PDE6A: variants seen among roughly 807,000 people sequenced by gnomAD.
PDE6A encodes the protein rod cGMP-specific 3',5'-cyclic phosphodiesterase subunit alpha.
Under a neutral mutation model 106.3 loss-of-function variants are expected in PDE6A, and 84 were observed. That is an observed-to-expected ratio of 0.79 (90% CI 0.66 to 0.95). The LOEUF (loss-of-function observed/expected upper bound fraction) is 0.95, where lower values mean the gene tolerates loss of function less well. Ranked by LOEUF, PDE6A falls within the 40% of genes least tolerant of loss-of-function variation. The pLI, the probability that PDE6A is intolerant of heterozygous loss-of-function variation, is 0.00. For missense variants in PDE6A, 1,052 were observed against 1,084.9 expected, an observed-to-expected ratio of 0.97 and a Z score of 0.43; for synonymous variants, 394 against 386.6, an observed-to-expected ratio of 1.02 and a Z score of -0.23.
rs73269802 is a variant in PDE6A at position 149,939,711 on chromosome 5, C to T, written c.474+4489G>A. ...AGGAAATAAACCCAGTCAAGCTAAA[C>T]GATTTGCCAAGGCCACATTCTTTGA... On this transcript the variant is annotated intron_variant, in intron 1 of 21. Transcript: ENST00000255266. Among the ~76,000 whole-genome samples, 1,237 of 152,260 alleles carry T rather than the reference C, an allele frequency of 8.1e-3. 13 individuals are homozygous for T. Among genetic ancestry groups the T allele is most frequent in the African/African-American group, 0.028 (1,178 of 41,538 alleles).
At chr5:149,920,440 G>C (rs144733985) in intron 5 of PDE6A, among the ~76,000 whole-genome samples, 2,182 of 152,202 alleles carry the variant, frequency 0.014, 51 homozygotes, top group African/African-American at 0.049. Flanking sequence ...AATTAGCCAG[G>C]TATGGTGGCA....
chr5:149,905,188 CTG>C, intron 7 of PDE6A, among the ~76,000 whole-genome samples: 1 of 152,210 alleles, frequency 6.6e-6, no homozygotes, highest in Admixed American at 6.5e-5. Context: ...CCAAACACCT[CTG>C]AACCTTCCTT....
chr5:149,883,835 T>A (rs964698892), intron 16 of PDE6A, among the ~76,000 whole-genome samples: 3 of 152,150 alleles, frequency 2.0e-5, no homozygotes, highest in Non-Finnish European at 4.4e-5. Context: ...ATAACACACG[T>A]GTTGTGCCTG....
intron 13 of PDE6A, among the ~76,000 whole-genome samples, chr5:149,889,450 A>G (rs1184483819): frequency 6.6e-6 from 1 of 151,694 alleles, no homozygotes; most frequent in Non-Finnish European, 1.5e-5. Context: ...ATCTTATTTT[A>G]TTTTTGTTTT....
At chr5:149,904,092 C>T (rs982654573) in intron 7 of PDE6A, among the ~76,000 whole-genome samples, 15 of 152,162 alleles carry the variant, frequency 9.9e-5, no homozygotes, top group Admixed American at 9.8e-4. Flanking sequence ...ACTAAAAATA[C>T]AGAAGTTAAC....
intron 7 of PDE6A, among the ~76,000 whole-genome samples, chr5:149,906,781 T>A (rs1753208011): frequency 6.6e-6 from 1 of 151,040 alleles, no homozygotes; most frequent in Non-Finnish European, 1.5e-5. Flanking sequence ...TTTATTATTA[T>A]TTTTTTTTGA....
chr5:149,869,974 T>C (rs112140658), intron 17 of PDE6A, among the ~76,000 whole-genome samples: 15 of 152,324 alleles, frequency 9.8e-5, no homozygotes, highest in African/African-American at 3.6e-4. Context: ...ACTCATGGAA[T>C]ATTAACAAGT....
chr5:149,900,119 C>CGAGGCAGGCGGATCACTT (rs1333574753), intron 8 of PDE6A, among the ~76,000 whole-genome samples: 3 of 151,718 alleles, frequency 2.0e-5, no homozygotes, highest in Non-Finnish European at 4.4e-5. Context: ...TTTGGGAAGT[C>CGAGGCAGGCGGATCACTT]GAGGCAGGCG....
At chr5:149,895,893 A>C (rs1752730858) in intron 12 of PDE6A, among the ~76,000 whole-genome samples, 1 of 152,130 alleles carries the variant, frequency 6.6e-6, no homozygotes, top group Admixed American at 6.5e-5. Flanking sequence ...CACTGCTTTA[A>C]TCAAAATCAA....
rs530656795 is a variant in PDE6A at position 149,907,229 on chromosome 5, C to T, written c.1065+83G>A. 1,283 of 1,068,990 alleles carry T rather than the reference C, an allele frequency of 1.2e-3. 3 individuals are homozygous for T. Among genetic ancestry groups the T allele is most frequent in the Non-Finnish European group, 1.7e-3 (1,170 of 683,152 alleles). 66.2% of individuals were successfully genotyped at this position (1,068,990 alleles called of 1,614,324 possible). A position where few individuals can be genotyped will look rare whatever the true frequency, so the allele number is the denominator to read the frequency against. On this transcript the variant is annotated intron_variant, in intron 7 of 21. Coordinates refer to ENST00000255266, the MANE Select transcript of PDE6A (RefSeq NM_000440.3). ...AGATCCACACTTGCCATCATCTTTT[C>T]CACTCTCTTCTTGATCTGAAATCCT...
At chr5:149,912,674 A>G (rs911284387) in intron 6 of PDE6A, among the ~76,000 whole-genome samples, 2 of 152,062 alleles carry the variant, frequency 1.3e-5, no homozygotes, top group Non-Finnish European at 2.9e-5. Context: ...CATATCTCCA[A>G]CCACACCCGC....
intron 1 of PDE6A, among the ~76,000 whole-genome samples, chr5:149,940,589 C>T (rs1267861768): frequency 6.6e-6 from 1 of 151,828 alleles, no homozygotes; most frequent in African/African-American, 2.4e-5. Flanking sequence ...CCTCCACCTC[C>T]CAGGTTCAAA....
chr5:149,918,644 T>G (rs1165551815), intron 5 of PDE6A, among the ~76,000 whole-genome samples: 1 of 152,150 alleles, frequency 6.6e-6, no homozygotes, highest in Non-Finnish European at 1.5e-5. Context: ...CAGGATCTCA[T>G]TCTGTCACCC....
At position 149,884,872 on chromosome 5, in the gene PDE6A, A is replaced by G. The variant is rs775009990; in HGVS notation, c.1839-5T>C. 12 of 1,608,918 alleles carry G rather than the reference A, an allele frequency of 7.5e-6. No individual in the cohort carries two copies. The highest frequency in any genetic ancestry group is 1.7e-4 in the Middle Eastern group (1 of 6,050). ...TTGGCCAGTGGGTTCTGGGATCTGA[A>G]TGAGAAAGAGAGAGAATCAATATGG... On this transcript the variant is annotated splice_polypyrimidine_tract_variant and splice_region_variant and intron_variant, in intron 14 of 21. Transcript: ENST00000255266.
At chr5:149,887,776 C>G (rs766616575) in intron 13 of PDE6A, among the ~76,000 whole-genome samples, 21 of 152,220 alleles carry the variant, frequency 1.4e-4, no homozygotes, top group Non-Finnish European at 2.5e-4. Context: ...AAAAGCAAAA[C>G]CGCCTCATCA....
At chr5:149,909,576 C>A (rs1753308707) in intron 6 of PDE6A, among the ~76,000 whole-genome samples, 1 of 152,184 alleles carries the variant, frequency 6.6e-6, no homozygotes, top group African/African-American at 2.4e-5. Context: ...TAAACCCTCA[C>A]CGAATTATCC....
intron 8 of PDE6A, among the ~76,000 whole-genome samples, chr5:149,903,147 T>TAAAAAAAAAAAAAAAAAAA (rs373566897): frequency 1.1e-4 from 10 of 90,976 alleles, no homozygotes; most frequent in East Asian, 3.4e-4. Context: ...AGACCCTCTC[T>TAAAAAAAAAAAAAAAAAAA]AAAAAAAAAA....
chr5:149,863,107 C>A lies in PDE6A; in HGVS notation c.2506+12G>T, dbSNP rs201462717. 3.0e-5 allele frequency: 48 copies of A among 1,614,108 alleles called. No homozygotes were observed. The African/African-American group carries it at 5.6e-4, about 19-fold the overall frequency. On this transcript the variant is annotated intron_variant, in intron 21 of 21. Coordinates refer to ENST00000255266, the MANE Select transcript of PDE6A (RefSeq NM_000440.3). The surrounding 1 kb of genome is among the most constrained non-coding windows in gnomAD (Gnocchi z 4.7). ...GGGGTGGTGGGAGTCCCTGCTTCCC[C>A]CTTCCACAAACCTGACTTGGCCGAC...
chr5:149,900,765 A>C (rs1752948311), intron 8 of PDE6A, among the ~76,000 whole-genome samples: 1 of 152,156 alleles, frequency 6.6e-6, no homozygotes, highest in Admixed American at 6.6e-5. Context: ...ACAGGTTTGT[A>C]TTGAACTCAG....
Sources: allele counts gnomAD v4.1 joint callset (sites outside exome capture counted in the v4.1 genomes callset), GRCh38; gene constraint gnomAD v4.1.1; non-coding constraint Gnocchi (gnomAD v3.1); transcripts MANE v1.5; gene names NCBI Gene and HGNC (gene_info 2026-07-23, HGNC 2026-07-21).